SLC9A7: variants seen among roughly 807,000 people sequenced by gnomAD.
SLC9A7 encodes the protein sodium/hydrogen exchanger 7.
A neutral mutation model predicts 52.6 loss-of-function variants in SLC9A7; 19 were observed. That is an observed-to-expected ratio of 0.36 (90% CI 0.25 to 0.53). SLC9A7 has a LOEUF of 0.53. SLC9A7 is among the 20% of genes least tolerant of loss of function. The pLI, the probability that SLC9A7 is intolerant of heterozygous loss-of-function variation, is 0.91. For missense variants in SLC9A7, 455 were observed against 597.9 expected, an observed-to-expected ratio of 0.76 and a Z score of 2.49; for synonymous variants, 226 against 252.1, an observed-to-expected ratio of 0.90 and a Z score of 0.98.
intron 1 of SLC9A7, among the ~76,000 whole-genome samples, chrX:46,741,107 C>T (rs182868015): frequency 8.9e-6 from 1 of 111,776 alleles, no homozygotes; most frequent in East Asian, 2.8e-4. Context: ...AAGACCTGTA[C>T]ATTGAAACTA....
chrX:46,682,960 A>ATTTTTTTTT (rs1169630244), intron 1 of SLC9A7, among the ~76,000 whole-genome samples: 2,043 of 64,381 alleles, frequency 0.032, 111 homozygotes, highest in African/African-American at 0.1. Flanking sequence ...CACCCGGCTA[A>ATTTTTTTTT]TTTTTTTTTT....
At position 46,631,343 on chromosome X, in the gene SLC9A7, G is replaced by A. The variant is rs536411651; in HGVS notation, c.1740+243C>T. On this transcript the variant is annotated intron_variant, in intron 14 of 16. Coordinates refer to ENST00000616978, the MANE Select transcript of SLC9A7 (RefSeq NM_001257291.2). ...TGGAGAGTCAGGGACTCTTTCTGGC[G>A]AGCCCACACCCTTCATAATGTTGAT... is the stretch of plus-strand genomic sequence containing the variant. 6.8e-4 allele frequency among the ~76,000 whole-genome samples: 76 copies of A among 112,107 alleles called. No individual in the cohort carries two copies. In the East Asian group the frequency reaches 0.01, roughly 15 times the overall value.
At chrX:46,719,052 C>A (rs1434661565) in intron 1 of SLC9A7, among the ~76,000 whole-genome samples, 1 of 111,374 alleles carries the variant, frequency 9.0e-6, no homozygotes, top group Non-Finnish European at 1.9e-5. Context: ...ACCCAAATGT[C>A]CATCAATGAT....
intron 5 of SLC9A7, among the ~76,000 whole-genome samples, chrX:46,662,865 C>A: frequency 8.9e-6 from 1 of 111,837 alleles, no homozygotes; most frequent in Admixed American, 9.5e-5. Flanking sequence ...TGATATTGCA[C>A]CAAAACACTA....
chrX:46,664,051 G>A (rs1943877037), intron 5 of SLC9A7, among the ~76,000 whole-genome samples: 1 of 111,525 alleles, frequency 9.0e-6, no homozygotes, highest in African/African-American at 3.3e-5. Flanking sequence ...TAATGACGGG[G>A]GTGGGGGCAG....
At chrX:46,618,199 C>G (rs1001667364) in intron 15 of SLC9A7, among the ~76,000 whole-genome samples, 4 of 111,105 alleles carry the variant, frequency 3.6e-5, no homozygotes, top group African/African-American at 1.3e-4. Context: ...CCAGGGCCTA[C>G]TGAGGAAGAA....
intron 15 of SLC9A7, among the ~76,000 whole-genome samples, chrX:46,616,962 C>T (rs900246074): frequency 2.7e-5 from 3 of 111,529 alleles, no homozygotes; most frequent in Non-Finnish European, 3.8e-5. Context: ...ACTCTGGAAA[C>T]AACTGTCTTT....
At chrX:46,707,195 A>G (rs1373327597) in intron 1 of SLC9A7, among the ~76,000 whole-genome samples, 1 of 112,453 alleles carries the variant, frequency 8.9e-6, no homozygotes, top group Non-Finnish European at 1.9e-5. Context: ...CAGCTAGAGG[A>G]CAAAAGCCCA....
At chrX:46,704,730 G>C (rs1438066974) in intron 1 of SLC9A7, among the ~76,000 whole-genome samples, 2 of 111,808 alleles carry the variant, frequency 1.8e-5, no homozygotes, top group Non-Finnish European at 3.8e-5. Flanking sequence ...ATCCTCCTAA[G>C]AGTTGTACCC....
chrX:46,664,394 C>G (rs1490364044), intron 5 of SLC9A7, among the ~76,000 whole-genome samples: 2 of 111,523 alleles, frequency 1.8e-5, no homozygotes, highest in African/African-American at 6.5e-5. Flanking sequence ...AGTACTGGTA[C>G]CCAAGATAAA....
intron 1 of SLC9A7, among the ~76,000 whole-genome samples, chrX:46,734,714 C>A: frequency 9.0e-6 from 1 of 110,601 alleles, no homozygotes; most frequent in Middle Eastern, 4.7e-3. Flanking sequence ...CATCACCACA[C>A]TTATTGTTTT....
chrX:46,626,583 G>A (rs1943133330), intron 14 of SLC9A7, among the ~76,000 whole-genome samples: 1 of 112,634 alleles, frequency 8.9e-6, no homozygotes, highest in Admixed American at 9.3e-5. Context: ...CCTGGGCCTG[G>A]TATGTTTGGG....
intron 14 of SLC9A7, 142 bp downstream of exon 14, chrX:46,631,444 T>A (rs971629224): frequency 2.1e-6 from 1 of 477,241 alleles, no homozygotes; most frequent in African/African-American, 2.4e-5. Flanking sequence ...AAACTTCAAC[T>A]TTTAATCTGT....
At chrX:46,736,302 C>T (rs1945121281) in intron 1 of SLC9A7, among the ~76,000 whole-genome samples, 1 of 110,757 alleles carries the variant, frequency 9.0e-6, no homozygotes, top group African/African-American at 3.3e-5. Context: ...TTTTATTTTC[C>T]ATCTCTGTCC....
chrX:46,655,656 T>C (rs1190098237), intron 7 of SLC9A7, among the ~76,000 whole-genome samples: 1 of 112,346 alleles, frequency 8.9e-6, no homozygotes. Flanking sequence ...ATACTGCGCT[T>C]TTCCGATGGG....
intron 1 of SLC9A7, among the ~76,000 whole-genome samples, chrX:46,740,782 C>T (rs1226408975): frequency 9.1e-6 from 1 of 109,659 alleles, no homozygotes; most frequent in Non-Finnish European, 1.9e-5. Context: ...CAACACTGTA[C>T]TAGAGGTTCT....
intron 11 of SLC9A7, among the ~76,000 whole-genome samples, chrX:46,646,138 C>G (rs1230110156): frequency 1.8e-5 from 2 of 110,315 alleles, no homozygotes; most frequent in Non-Finnish European, 3.8e-5. Flanking sequence ...CATTCATCTT[C>G]CACTGGAATG....
At position 46,648,727 on chromosome X, in the gene SLC9A7, T is replaced by G; in HGVS notation, c.1421A>C (p.His474Pro). The change falls in exon 11 of 17, where the codon CAT becomes CCT. Residue 474 changes from histidine to proline, a missense_variant. His to Pro is a moderately conservative substitution (Grantham distance 77). Around this residue, in one of 3 missense-constraint regions of SLC9A7, gnomAD observed 304 missense variants for 417.8 expected, o/e 0.73. Transcript: ENST00000616978. ...GTGTTGAAAATTCCAGCCAATCTTA[T>G]GCCTTCTGCCCAAGTTGAGGAAGAA... ...LSFFLNLGRR[H>P]KIGWNFQHMM... 8.3e-7 allele frequency: 1 copy of G among 1,211,421 alleles called. No homozygotes were observed. Among genetic ancestry groups the G allele is most frequent in the Non-Finnish European group, 1.1e-6 (1 of 895,184 alleles).
intron 12 of SLC9A7, among the ~76,000 whole-genome samples, chrX:46,640,528 T>C (rs1010891601): frequency 2.7e-5 from 3 of 110,578 alleles, no homozygotes; most frequent in African/African-American, 9.9e-5. Context: ...GCATGACCCA[T>C]AAAAGAAAAA....
Sources: allele counts gnomAD v4.1 joint callset (sites outside exome capture counted in the v4.1 genomes callset), GRCh38; gene constraint gnomAD v4.1.1; regional missense constraint gnomAD v4.1.1; transcripts MANE v1.5; gene names NCBI Gene and HGNC (gene_info 2026-07-23, HGNC 2026-07-21).